RARB: variants seen among roughly 807,000 people sequenced by gnomAD.
RARB encodes retinoic acid receptor beta, also known as HBV-activated protein.
In RARB, 17 loss-of-function variants were observed where a neutral mutation model predicts 51.9. The observed-to-expected ratio is 0.33, with a 90% confidence interval of 0.22 to 0.49. RARB has a LOEUF of 0.49. RARB is among the 20% of genes least tolerant of loss of function. The pLI is 0.99. For missense variants in RARB, 369 were observed against 550.8 expected (o/e 0.67, Z 3.30); for synonymous variants, 215 against 195.4 (o/e 1.10, Z -0.84).
intron 5 of RARB, among the ~76,000 whole-genome samples, chr3:25,332,902 A>G (rs1704946813): frequency 6.6e-6 from 1 of 152,206 alleles, no homozygotes; most frequent in Admixed American, 6.5e-5. Context: ...AGAGAGCCAA[A>G]TCATGAGTGA....
intron 5 of RARB, among the ~76,000 whole-genome samples, chr3:25,331,215 A>T (rs1704884693): frequency 6.6e-6 from 1 of 152,198 alleles, no homozygotes; most frequent in Non-Finnish European, 1.5e-5. Flanking sequence ...AAATCAACAG[A>T]ATATACATTC....
upstream of RARB, among the ~76,000 whole-genome samples, chr3:25,425,248 C>T (rs1460048470): frequency 6.6e-6 from 1 of 152,162 alleles, no homozygotes; most frequent in Non-Finnish European, 1.5e-5. Flanking sequence ...TTCTACCCTA[C>T]TCATTAATCT....
intron 4 of RARB, among the ~76,000 whole-genome samples, chr3:25,148,546 C>T (rs543492361): frequency 2.6e-5 from 4 of 152,256 alleles, no homozygotes; most frequent in South Asian, 2.1e-4. Context: ...TATTTACTGA[C>T]ATAATCACTA....
At chr3:25,268,648 A>G (rs948945374) in intron 5 of RARB, among the ~76,000 whole-genome samples, 1 of 152,196 alleles carries the variant, frequency 6.6e-6, no homozygotes, top group Admixed American at 6.5e-5. Flanking sequence ...CTCCTGCCTC[A>G]GCACCTTTGC....
intron 5 of RARB, among the ~76,000 whole-genome samples, chr3:25,184,714 A>G (rs971961709): frequency 6.6e-6 from 1 of 152,060 alleles, no homozygotes; most frequent in African/African-American, 2.4e-5. Flanking sequence ...CATGTAAGCT[A>G]CTTATAACAG....
intron 3 of RARB, among the ~76,000 whole-genome samples, chr3:25,540,474 C>T (rs1699329667): frequency 6.6e-6 from 1 of 152,184 alleles, no homozygotes; most frequent in African/African-American, 2.4e-5. Flanking sequence ...TGGATAGACA[C>T]TTTGTTATTT....
intron 5 of RARB, among the ~76,000 whole-genome samples, chr3:25,378,158 C>G (rs988159208): frequency 2.0e-5 from 3 of 152,120 alleles, no homozygotes; most frequent in Non-Finnish European, 4.4e-5. Flanking sequence ...GTTGCAAAAT[C>G]ACCACATTGC....
intron 4 of RARB, among the ~76,000 whole-genome samples, chr3:25,137,113 A>G (rs776635817): frequency 6.6e-6 from 1 of 152,076 alleles, no homozygotes; most frequent in South Asian, 2.1e-4. Flanking sequence ...TTTAATGCCG[A>G]CTACTAGCCC....
Position 24,886,883 on chromosome 3 carries a change from T to G in RARB, c.-380+28131T>G, listed in dbSNP as rs544068170. 1.6e-4 allele frequency among the ~76,000 whole-genome samples: 25 copies of G among 152,356 alleles called. No homozygotes were observed. In the South Asian group the frequency reaches 2.1e-3, roughly 13 times the overall value. ...TATATTAAGCTTTTAGGGTCCACAA[T>G]GTATAGACCATGTGTCTACAAAACG... is the stretch of plus-strand genomic sequence containing the variant. On this transcript the variant is annotated intron_variant, in intron 2 of 11. Coordinates refer to the RARB transcript ENST00000383772.
At position 25,474,460 on chromosome 3, in the gene RARB, A is replaced by AT. The variant is rs1042447794; in HGVS notation, c.306+13128dup. 1.2e-4 allele frequency among the ~76,000 whole-genome samples: 18 copies of AT among 151,530 alleles called. 1 individual carries two copies. The South Asian group carries it at 2.3e-3, about 19-fold the overall frequency. On this transcript the variant is annotated intron_variant, in intron 2 of 7. Coordinates refer to ENST00000330688, the MANE Select transcript of RARB (RefSeq NM_000965.5). ...CAGAATAATAGCATGAGGTGGTGGTATTTTTTTTTATTTTTCAGTTTCCAG... is the reference window on the plus strand; with the variant it reads ...CAGAATAATAGCATGAGGTGGTGGTATTTTTTTTTTATTTTTCAGTTTCCAG...
chr3:25,500,335 T>A (rs1409524931), intron 2 of RARB, among the ~76,000 whole-genome samples: 1 of 151,636 alleles, frequency 6.6e-6, no homozygotes, highest in Non-Finnish European at 1.5e-5. Context: ...TTTTGGATAA[T>A]TTTTTTAAAT....
At chr3:25,112,593 A>G (rs775402900) in intron 3 of RARB, among the ~76,000 whole-genome samples, 8 of 152,224 alleles carry the variant, frequency 5.3e-5, no homozygotes, top group Non-Finnish European at 1.0e-4. Context: ...CCTGGGCCAC[A>G]TAGGGAGACC....
chr3:25,429,580 C>T (rs1224035424), intron 1 of RARB, among the ~76,000 whole-genome samples: 2 of 152,190 alleles, frequency 1.3e-5, no homozygotes, highest in African/African-American at 4.8e-5. Context: ...TGGACTGAGC[C>T]ATCCATTATT....
At chr3:25,196,702 C>G (rs56903612) in intron 5 of RARB, among the ~76,000 whole-genome samples, 150 of 152,194 alleles carry the variant, frequency 9.9e-4, no homozygotes, top group African/African-American at 3.4e-3. Flanking sequence ...GTAAAGTGTT[C>G]CTATTTCTCC....
At chr3:25,515,695 G>A (rs550248314) in intron 3 of RARB, among the ~76,000 whole-genome samples, 3 of 152,144 alleles carry the variant, frequency 2.0e-5, no homozygotes, top group Non-Finnish European at 4.4e-5. Flanking sequence ...TTTGTTTAAA[G>A]ATTTAAAATG....
At chr3:25,174,821 CAA>C (rs1338570891) in intron 5 of RARB, among the ~76,000 whole-genome samples, 2 of 152,008 alleles carry the variant, frequency 1.3e-5, no homozygotes, top group Admixed American at 1.3e-4. Context: ...AATGCAAACA[CAA>C]AAAGTGATGA....
intron 5 of RARB, among the ~76,000 whole-genome samples, chr3:25,409,840 G>A (rs1056730747): frequency 2.0e-5 from 3 of 152,158 alleles, no homozygotes; most frequent in Non-Finnish European, 2.9e-5. Context: ...TTGTACAATG[G>A]TGTCTTACTT....
rs186140957 is a variant in RARB, at chr3:25,055,437, T to C, written c.-379-4688T>C. Among the ~76,000 whole-genome samples the C allele has an allele frequency of 3.8e-3, 579 of 152,264 alleles. 3 individuals carry two copies. The highest frequency in any genetic ancestry group is 0.013 in the African/African-American group (559 of 41,552). On this transcript the variant is annotated intron_variant, in intron 2 of 11. Coordinates refer to the RARB transcript ENST00000383772. The stretch of plus-strand genomic sequence containing the variant: ...ACTGAGGGCCCTTAAGAATTGAAAG[T>C]ACAATATATATACAGAGATGGTACA...
rs184646267 is a variant in RARB, at chr3:25,176,929, G to A, written c.178+2354G>A. The stretch of plus-strand genomic sequence containing the variant: ...TGAATAGATTCAACCTTTGAAAAGC[G>A]AGGGTTTGAAGTTCAAAAAAAGGGT... On this transcript the variant is annotated intron_variant, in intron 5 of 11. Coordinates refer to the RARB transcript ENST00000383772. Among the ~76,000 whole-genome samples, 7 of 152,292 alleles carry A rather than the reference G, an allele frequency of 4.6e-5. No individual in the cohort carries two copies. In the East Asian group the frequency reaches 7.7e-4, roughly 17 times the overall value.
Sources: allele counts gnomAD v4.1 joint callset (sites outside exome capture counted in the v4.1 genomes callset), GRCh38; gene constraint gnomAD v4.1.1; transcripts MANE v1.5; gene names NCBI Gene and HGNC (gene_info 2026-07-23, HGNC 2026-07-21).